WNK3: variants seen among roughly 807,000 people sequenced by gnomAD.
WNK3 encodes the protein WNK lysine deficient protein kinase 3.
In WNK3, 18 loss-of-function variants were observed where a neutral mutation model predicts 116.7. That is an observed-to-expected ratio of 0.15 (90% CI 0.11 to 0.23). The LOEUF is 0.23. Among genes scored for constraint, WNK3 ranks in the 10% least tolerant of loss-of-function variants. The pLI is 1.00. For missense variants in WNK3, 993 were observed against 1,323.8 expected (o/e 0.75, Z 3.88); for synonymous variants, 404 against 469.4 (o/e 0.86, Z 1.80).
chrX:54,193,796 T>A lies in WNK3; in HGVS notation c.*4528A>T, dbSNP rs782773624. On this transcript the variant is annotated 3_prime_UTR_variant, in exon 24 of 24. Coordinates refer to ENST00000354646, the Ensembl canonical transcript of WNK3. The stretch of plus-strand genomic sequence containing the variant: ...GTTACTATCTTACGATCTGCATTTT[T>A]AAAATTTCAATCTTAGAAATTACAC... 1.3e-4 allele frequency: 15 copies of A among 111,657 alleles called. No homozygotes were observed. The South Asian group carries it at 5.6e-3, about 42-fold the overall frequency. The allele number at this position is 111,657 out of a possible 1,213,427, so 9.2% of individuals were successfully genotyped here.
At chrX:54,200,166 C>A (rs2067487645) in intron 23 of WNK3, among the ~76,000 whole-genome samples, 1 of 112,174 alleles carries the variant, frequency 8.9e-6, no homozygotes, top group Admixed American at 9.5e-5. Context: ...TAGCCTATAT[C>A]TTTCTTTTGT....
At chrX:54,236,496 T>C (rs868938981) in intron 20 of WNK3, among the ~76,000 whole-genome samples, 4 of 111,215 alleles carry the variant, frequency 3.6e-5, no homozygotes, top group African/African-American at 1.3e-4. Flanking sequence ...TGACAAAATA[T>C]ATTATCATAA....
At chrX:54,243,325 G>T (rs2068042301) in intron 17 of WNK3, among the ~76,000 whole-genome samples, 1 of 105,867 alleles carries the variant, frequency 9.4e-6, no homozygotes, top group Non-Finnish European at 1.9e-5. Context: ...GGAGGCTGAG[G>T]CAGGAGAATG....
At chrX:54,245,349 T>C (rs1253660129) in intron 17 of WNK3, among the ~76,000 whole-genome samples, 2 of 109,982 alleles carry the variant, frequency 1.8e-5, no homozygotes, top group South Asian at 3.9e-4. Flanking sequence ...CAGCCAAGCA[T>C]GGTAGCACGC....
intron 1 of WNK3, among the ~76,000 whole-genome samples, chrX:54,353,938 C>T (rs182129581): frequency 1.8e-5 from 2 of 108,559 alleles, no homozygotes; most frequent in East Asian, 5.8e-4. Context: ...AAAAATTAGC[C>T]AGGCGTGGTG....
chrX:54,215,379 A>C (rs1429953804), intron 22 of WNK3, among the ~76,000 whole-genome samples: 1 of 111,477 alleles, frequency 9.0e-6, no homozygotes, highest in Admixed American at 9.5e-5. Flanking sequence ...TTTGGTGGAG[A>C]CGGGTTTCCC....
chrX:54,275,415 ATG>A (rs782672834), intron 10 of WNK3, among the ~76,000 whole-genome samples: 5,324 of 64,134 alleles, frequency 0.083, 176 homozygotes, highest in South Asian at 0.14. Flanking sequence ...ATAAGTTCAT[ATG>A]TGTGTGTGTG....
chrX:54,222,915 A>AATAATATATATAT (rs1491230973), intron 22 of WNK3, among the ~76,000 whole-genome samples: 16 of 80,998 alleles, frequency 2.0e-4, no homozygotes, highest in African/African-American at 8.7e-4. Flanking sequence ...TAATAATAAT[A>AATAATATATATAT]ATATATATAT....
At chrX:54,261,385 C>T (rs2068254415) in intron 10 of WNK3, among the ~76,000 whole-genome samples, 1 of 111,513 alleles carries the variant, frequency 9.0e-6, no homozygotes, top group African/African-American at 3.3e-5. Flanking sequence ...GCTTAGCATC[C>T]TTGGATTTTG....
chrX:54,232,379 C>T (rs936653994), intron 21 of WNK3, among the ~76,000 whole-genome samples: 6 of 110,866 alleles, frequency 5.4e-5, no homozygotes, highest in Non-Finnish European at 9.4e-5. Context: ...TGACCTCAGG[C>T]GACAGGCCCA....
chrX:54,209,456 T>C (rs781903277), intron 22 of WNK3, among the ~76,000 whole-genome samples: 72 of 73,447 alleles, frequency 9.8e-4, no homozygotes, highest in African/African-American at 3.3e-3. Context: ...AATAAATAAA[T>C]AAACATAGCA....
intron 2 of WNK3, among the ~76,000 whole-genome samples, chrX:54,314,718 C>A (rs2068931666): frequency 1.8e-5 from 2 of 111,399 alleles, no homozygotes; most frequent in Admixed American, 1.9e-4. Flanking sequence ...GTATAGTGAG[C>A]CATGTTTGCG....
At chrX:54,328,606 T>TAA (rs1304074802) in intron 2 of WNK3, among the ~76,000 whole-genome samples, 10 of 103,082 alleles carry the variant, frequency 9.7e-5, no homozygotes, top group African/African-American at 2.8e-4. Context: ...ACTTTGCCTT[T>TAA]AAAAAAAAAA....
chrX:54,259,393 A>G, intron 10 of WNK3, 55 bp from the exon 11 acceptor site: 1 of 807,035 alleles, frequency 1.2e-6, no homozygotes, highest in Non-Finnish European at 1.8e-6. Context: ...TTCAAGCTAA[A>G]TATACAATTT....
In WNK3 at chrX:54,232,956, G is replaced by A. The variant is rs150271543; in HGVS notation, c.4693C>T (p.Arg1565Cys). 3.3e-6 allele frequency: 4 copies of A among 1,208,409 alleles called. No individual in the cohort carries two copies. Among genetic ancestry groups the A allele is most frequent in the Non-Finnish European group, 3.4e-6 (3 of 894,713 alleles). ...TTGCTATCTTTAATTGACCGAAGGC[G>A]TTCATAGAGCTCCTGCAGCTCCTTA... The change falls in exon 21 of 24, where the codon CGC (arginine) becomes TGC (cysteine). Residue 1565 changes from arginine (R) to cysteine (C), a missense_variant. Coordinates refer to ENST00000354646, the Ensembl canonical transcript of WNK3.
chrX:54,344,218 C>A (rs1215810149), intron 1 of WNK3, among the ~76,000 whole-genome samples: 1 of 110,555 alleles, frequency 9.0e-6, no homozygotes, highest in East Asian at 2.9e-4. Flanking sequence ...CCGAGGCAGG[C>A]GGATCACGAG....
chrX:54,282,038 T>G (rs2068522917), intron 10 of WNK3, among the ~76,000 whole-genome samples: 1 of 106,978 alleles, frequency 9.3e-6, no homozygotes, highest in Admixed American at 1.0e-4. Context: ...ACTTTCATAC[T>G]GTTTTGTTTG....
chrX:54,262,953 A>AG (rs1203055338), intron 10 of WNK3, among the ~76,000 whole-genome samples: 13 of 98,082 alleles, frequency 1.3e-4, no homozygotes, highest in African/African-American at 4.7e-4. Context: ...AAAAAAGAAA[A>AG]GAAAAGTAGA....
chrX:54,227,405 T>C (rs2067855403), intron 22 of WNK3, among the ~76,000 whole-genome samples: 1 of 112,025 alleles, frequency 8.9e-6, no homozygotes, highest in African/African-American at 3.2e-5. Context: ...TATTTGAATC[T>C]TTTGCCCATT....
Sources: gnomAD v4.1 joint callset for allele counts (sites outside exome capture counted in the v4.1 genomes callset) on GRCh38, gnomAD v4.1.1 for gene constraint, MANE v1.5 for transcripts, NCBI Gene and HGNC (gene_info 2026-07-23, HGNC 2026-07-21) for gene names.